Variants in SH3GL2 observed in about 807,000 individuals in gnomAD.
SH3GL2 encodes endophilin-A1.
A neutral mutation model predicts 46.0 loss-of-function variants in SH3GL2; 24 were observed. The observed-to-expected ratio is 0.52, with a 90% confidence interval of 0.38 to 0.73. SH3GL2 has a LOEUF of 0.73. Ranked by LOEUF, SH3GL2 falls within the 30% of genes least tolerant of loss-of-function variation. SH3GL2 has a pLI of 0.00. For missense variants in SH3GL2, 413 were observed against 424.2 expected (o/e 0.97, Z 0.23); for synonymous variants, 196 against 147.1 (o/e 1.33, Z -2.40).
intron 1 of SH3GL2, among the ~76,000 whole-genome samples, chr9:17,646,444 G>A (rs1819819911): frequency 1.3e-5 from 2 of 152,070 alleles, no homozygotes; most frequent in South Asian, 4.1e-4. Flanking sequence ...TCCTTTGGAG[G>A]AGAAGAGGCG....
intron 2 of SH3GL2, among the ~76,000 whole-genome samples, chr9:17,760,096 T>A (rs1167375200): frequency 2.6e-5 from 4 of 152,210 alleles, no homozygotes; most frequent in Non-Finnish European, 4.4e-5. Flanking sequence ...TGAGCATTTT[T>A]AAGCTAATCA....
chr9:17,645,596 G>A (rs998946650), intron 1 of SH3GL2, among the ~76,000 whole-genome samples: 1 of 152,062 alleles, frequency 6.6e-6, no homozygotes, highest in Non-Finnish European at 1.5e-5. Context: ...GCATTTGCTT[G>A]TCTGTAAAGG....
chr9:17,714,284 C>T (rs1423433161), intron 1 of SH3GL2, among the ~76,000 whole-genome samples: 7 of 151,582 alleles, frequency 4.6e-5, no homozygotes, highest in Admixed American at 4.0e-4. Flanking sequence ...AAGCAAATAT[C>T]GTTGGGTCTT....
chr9:17,692,304 C>T (rs1821102196), intron 1 of SH3GL2, among the ~76,000 whole-genome samples: 1 of 150,442 alleles, frequency 6.6e-6, no homozygotes, highest in South Asian at 2.1e-4. Context: ...CCTGAAGAAA[C>T]CCTATAAAGA....
Position 17,661,994 on chromosome 9 carries a change from T to C in SH3GL2, c.45+82707T>C, listed in dbSNP as rs139651249. On this transcript the variant is annotated intron_variant, in intron 1 of 8. Transcript: ENST00000380607. ...TTTTTGTCTTTCATGTTTGATTCTT[T>C]AGGGCTGGAGAATATACCCAGTATA... 1.2e-3 allele frequency among the ~76,000 whole-genome samples: 176 copies of C among 152,324 alleles called. 1 individual carries two copies. Among genetic ancestry groups the C allele is most frequent in the African/African-American group, 4.0e-3 (166 of 41,580 alleles).
chr9:17,584,275 C>T (rs777150312), intron 1 of SH3GL2, among the ~76,000 whole-genome samples: 11 of 152,144 alleles, frequency 7.2e-5, no homozygotes, highest in Non-Finnish European at 1.6e-4. Flanking sequence ...CCAAGGCGGG[C>T]GGATCACTTG....
At chr9:17,691,074 A>G (rs895533374) in intron 1 of SH3GL2, among the ~76,000 whole-genome samples, 1 of 152,190 alleles carries the variant, frequency 6.6e-6, no homozygotes, top group African/African-American at 2.4e-5. Flanking sequence ...TATTACCAAT[A>G]AGAACCTTAG....
chr9:17,751,111 G>A (rs558319457), intron 2 of SH3GL2, among the ~76,000 whole-genome samples: 10 of 152,264 alleles, frequency 6.6e-5, no homozygotes, highest in African/African-American at 2.4e-4. Context: ...CCCTTCTGTT[G>A]AACCCAGAAG....
intron 1 of SH3GL2, among the ~76,000 whole-genome samples, chr9:17,672,279 G>A (rs961372): frequency 0.54 from 81,496 of 151,922 alleles, 23,067 homozygotes; most frequent in African/African-American, 0.71. Flanking sequence ...TTGGTTTCCA[G>A]GCAACCAAAC....
chr9:17,592,154 C>A (rs1480817203), intron 1 of SH3GL2, among the ~76,000 whole-genome samples: 1 of 152,126 alleles, frequency 6.6e-6, no homozygotes, highest in African/African-American at 2.4e-5. Context: ...AGCCCCAACC[C>A]CAAAGTCTCA....
chr9:17,608,331 A>C (rs975112303), intron 1 of SH3GL2, among the ~76,000 whole-genome samples: 5 of 152,004 alleles, frequency 3.3e-5, no homozygotes. Flanking sequence ...TACTTTTAGT[A>C]GAGACAGGGT....
intron 1 of SH3GL2, among the ~76,000 whole-genome samples, chr9:17,725,914 C>G (rs935450709): frequency 6.6e-6 from 1 of 152,102 alleles, no homozygotes; most frequent in East Asian, 1.9e-4. Context: ...TGGGAACCCC[C>G]GTGTTCTTGG....
At chr9:17,699,381 A>G (rs936314874) in intron 1 of SH3GL2, among the ~76,000 whole-genome samples, 1 of 152,090 alleles carries the variant, frequency 6.6e-6, no homozygotes, top group Non-Finnish European at 1.5e-5. Context: ...ATTAAATCCA[A>G]CTGAAATGTA....
At chr9:17,618,714 C>T (rs1375910603) in intron 1 of SH3GL2, among the ~76,000 whole-genome samples, 2 of 152,068 alleles carry the variant, frequency 1.3e-5, no homozygotes, top group Non-Finnish European at 2.9e-5. Context: ...TACTTGGAAA[C>T]ACTTTGGTCC....
intron 1 of SH3GL2, among the ~76,000 whole-genome samples, chr9:17,693,806 C>T (rs1019463739): frequency 5.3e-5 from 8 of 152,126 alleles, no homozygotes; most frequent in African/African-American, 1.7e-4. Flanking sequence ...TCTCATTTTG[C>T]TTTCAGGATA....
rs375906084 is a variant in SH3GL2 at position 17,792,777 on chromosome 9, AC to A, written c.729-587del. 6.1e-3 allele frequency among the ~76,000 whole-genome samples: 931 copies of A among 152,128 alleles called. 9 individuals carry two copies. The highest frequency in any genetic ancestry group is 0.021 in the African/African-American group (880 of 41,472). On this transcript the variant is annotated intron_variant, in intron 7 of 8. Coordinates refer to ENST00000380607, the MANE Select transcript of SH3GL2 (RefSeq NM_003026.5). Reference sequence around the variant, plus strand: ...GAGAGATAGACTCCTTCCCACCTTCACCCACAACCACACCCCTGTGTTCCTG... The same window carrying A: ...GAGAGATAGACTCCTTCCCACCTTCACCACAACCACACCCCTGTGTTCCTG...
At chr9:17,599,767 G>A (rs1026531791) in intron 1 of SH3GL2, among the ~76,000 whole-genome samples, 2 of 152,134 alleles carry the variant, frequency 1.3e-5, no homozygotes, top group Non-Finnish European at 2.9e-5. Flanking sequence ...TGGATGGGTG[G>A]TGATTTGGAA....
At chr9:17,651,508 G>C (rs1460925929) in intron 1 of SH3GL2, among the ~76,000 whole-genome samples, 1 of 152,136 alleles carries the variant, frequency 6.6e-6, no homozygotes, top group East Asian at 1.9e-4. Context: ...TTATTGCAGA[G>C]GAATACTCTT....
At chr9:17,647,171 A>T (rs1034772525) in intron 1 of SH3GL2, among the ~76,000 whole-genome samples, 4 of 152,248 alleles carry the variant, frequency 2.6e-5, no homozygotes, top group Admixed American at 2.6e-4. Flanking sequence ...GATGCAGATC[A>T]CATATCTAAA....
Sources: allele counts gnomAD v4.1 joint callset (sites outside exome capture counted in the v4.1 genomes callset), GRCh38; gene constraint gnomAD v4.1.1; transcripts MANE v1.5; gene names NCBI Gene and HGNC (gene_info 2026-07-23, HGNC 2026-07-21).